Variants in ASXL1 observed in about 807,000 individuals in gnomAD.
ASXL1 encodes ASXL transcriptional regulator 1.
A neutral mutation model predicts 89.1 loss-of-function variants in ASXL1; 65 were observed. The ratio of observed to expected loss-of-function variants is 0.73; its 90% CI spans 0.60 to 0.90. ASXL1 has a LOEUF of 0.90. Among genes scored for constraint, ASXL1 ranks in the 40% least tolerant of loss-of-function variants. ASXL1 has a pLI of 0.00. For synonymous variants in ASXL1, 739 were observed against 746.9 expected, an observed-to-expected ratio of 0.99 and a Z score of 0.17; for missense variants, 1,786 against 1,942.9, an observed-to-expected ratio of 0.92 and a Z score of 1.52.
At chr20:32,410,178 T>G (rs912897483) in intron 4 of ASXL1, among the ~76,000 whole-genome samples, 5 of 152,244 alleles carry the variant, frequency 3.3e-5, no homozygotes. Flanking sequence ...GATACAGTAG[T>G]CCCCTTTATC....
intron 8 of ASXL1, chr20:32,430,533 A>C (rs544011781): frequency 8.3e-5 from 20 of 239,838 alleles, no homozygotes; most frequent in Middle Eastern, 1.3e-3. Flanking sequence ...GCTATTATCT[A>C]TACCTCCCAC....
chr20:32,433,672 GCT>G lies in ASXL1; in HGVS notation c.1475_1476del (p.Ala492GlyfsTer17). 6.2e-7 allele frequency: 1 copy of G among 1,611,522 alleles called. No individual in the cohort carries two copies. Among genetic ancestry groups the G allele is most frequent in the South Asian group, 1.1e-5 (1 of 91,056 alleles). On this transcript the variant is annotated frameshift_variant, in exon 12 of 13. Coordinates refer to ENST00000375687, the MANE Select transcript of ASXL1 (RefSeq NM_015338.6). LOFTEE classifies it high-confidence loss of function. ...PVESVASRIQ[A>X]EPDNLARASA... ...TGAGTCTGTGGCTTCTCGGATCCAG[GCT>G]GAGCCAGACAACTTGGCACGTGCCT...
At chr20:32,423,832 A>G (rs2011203131) in intron 4 of ASXL1, among the ~76,000 whole-genome samples, 1 of 152,234 alleles carries the variant, frequency 6.6e-6, no homozygotes, top group Non-Finnish European at 1.5e-5. Flanking sequence ...TACAGGCTTG[A>G]GCCACTGCAC....
At chr20:32,402,460 G>A (rs1326124886) in intron 4 of ASXL1, among the ~76,000 whole-genome samples, 1 of 152,184 alleles carries the variant, frequency 6.6e-6, no homozygotes, top group Non-Finnish European at 1.5e-5. Flanking sequence ...TATTTCTCTA[G>A]GATGAATACC....
intron 4 of ASXL1, among the ~76,000 whole-genome samples, chr20:32,407,919 TA>T (rs1052041008): frequency 2.0e-5 from 3 of 152,200 alleles, no homozygotes; most frequent in African/African-American, 7.2e-5. Context: ...TTTTGGCTCT[TA>T]GGTGTGCGAT....
chr20:32,418,997 T>C (rs145996702), intron 4 of ASXL1, among the ~76,000 whole-genome samples: 1 of 151,954 alleles, frequency 6.6e-6, no homozygotes, highest in African/African-American at 2.4e-5. Flanking sequence ...CATGTCTGGC[T>C]AATTATTGTA....
At chr20:32,387,532 G>C (rs1362013056) in intron 4 of ASXL1, among the ~76,000 whole-genome samples, 1 of 152,172 alleles carries the variant, frequency 6.6e-6, no homozygotes, top group Non-Finnish European at 1.5e-5. Flanking sequence ...GCATGGTTCT[G>C]AAGTAGAGAT....
In ASXL1 at chr20:32,433,779, T is replaced by G. The variant is rs777942161; in HGVS notation, c.1581T>G (p.Phe527Leu). Residue 527 changes from phenylalanine to leucine, a missense_variant, in exon 12 of 13, where the codon TTT (phenylalanine) becomes TTG (leucine). Coordinates refer to ENST00000375687, the MANE Select transcript of ASXL1 (RefSeq NM_015338.6). ...QEPKDQKRKS[F>L]EQAASASFPE... ...CCAAGGATCAGAAGAGGAAATCCTT[T>G]GAGCAGGCGGCCTCTGCATCCTTTC... The G allele has an allele frequency of 1.2e-6, 2 of 1,614,212 alleles. No individual in the cohort carries two copies. The highest frequency in any genetic ancestry group is 3.3e-5 in the Admixed American group (2 of 60,034).
intron 1 of ASXL1, among the ~76,000 whole-genome samples, chr20:32,363,275 T>G (rs1600465383): frequency 1.3e-5 from 2 of 151,646 alleles, no homozygotes; most frequent in Non-Finnish European, 2.9e-5. Flanking sequence ...AAAAAAAAGA[T>G]ATAAAAATTC....
intron 4 of ASXL1, among the ~76,000 whole-genome samples, chr20:32,392,105 T>C (rs973890542): frequency 1.3e-5 from 2 of 151,954 alleles, no homozygotes; most frequent in African/African-American, 4.8e-5. Context: ...GTCCACCATC[T>C]AGCTATTTGT....
intron 4 of ASXL1, among the ~76,000 whole-genome samples, chr20:32,414,284 G>A (rs1162376150): frequency 6.6e-6 from 1 of 151,322 alleles, no homozygotes; most frequent in African/African-American, 2.4e-5. Context: ...TTGGATGTGG[G>A]ACTCTCTTAA....
chr20:32,415,652 C>T (rs540566039), intron 4 of ASXL1, among the ~76,000 whole-genome samples: 1 of 152,270 alleles, frequency 6.6e-6, no homozygotes, highest in East Asian at 1.9e-4. Context: ...TGTGGCTTTT[C>T]CCTCTGCAGC....
chr20:32,407,807 T>C (rs2048980757), intron 4 of ASXL1, among the ~76,000 whole-genome samples: 1 of 152,150 alleles, frequency 6.6e-6, no homozygotes, highest in South Asian at 2.1e-4. Flanking sequence ...TAGAAGTTTT[T>C]TTGTTTTGAG....
Position 32,434,647 on chromosome 20 carries a change from TGGCCCGGGTGGAGGTGGCGGCGG to T in ASXL1, c.1940_1962del (p.Pro647HisfsTer3). The T allele has an allele frequency of 6.3e-7, 1 of 1,590,072 alleles. No homozygotes were observed. Among genetic ancestry groups the T allele is most frequent in the Non-Finnish European group, 8.6e-7 (1 of 1,169,364 alleles). On this transcript the variant is annotated frameshift_variant, in exon 13 of 13. Coordinates refer to ENST00000375687, the MANE Select transcript of ASXL1 (RefSeq NM_015338.6). LOFTEE classifies it low-confidence loss of function (END_TRUNC). The stretch of plus-strand genomic sequence containing the variant: ...CCACCACTGCCATCGGAGGGGGGGG[TGGCCCGGGTGGAGGTGGCGGCGG>T]GGCCACCGATGAGGGAGGTGGCAGA...
At chr20:32,387,126 C>G (rs2048592886) in intron 4 of ASXL1, among the ~76,000 whole-genome samples, 3 of 151,578 alleles carry the variant, frequency 2.0e-5, no homozygotes. Flanking sequence ...ATGGTGAAAC[C>G]CCTTCTACTA....
intron 4 of ASXL1, among the ~76,000 whole-genome samples, chr20:32,407,797 T>C (rs1359918737): frequency 6.6e-6 from 1 of 152,120 alleles, no homozygotes; most frequent in East Asian, 1.9e-4. Flanking sequence ...GTCTTTTGAT[T>C]AGAAGTTTTT....
At chr20:32,393,211 A>G (rs1479034588) in intron 4 of ASXL1, among the ~76,000 whole-genome samples, 1 of 152,218 alleles carries the variant, frequency 6.6e-6, no homozygotes, top group East Asian at 1.9e-4. Context: ...ATAAGCATTT[A>G]TGATTGTCGT....
Position 32,436,973 on chromosome 20 carries a change from C to T in ASXL1, c.4261C>T (p.Leu1421Phe). 2 of 1,614,096 alleles carry T rather than the reference C, an allele frequency of 1.2e-6. No individual in the cohort carries two copies. Among genetic ancestry groups the T allele is most frequent in the Non-Finnish European group, 8.5e-7 (1 of 1,180,030 alleles). ...ATTACCCCGAGAGCCAGGGAAGGGGCTCAGTGAGCCTCTGGAGCCTTCTTC... is the reference window on the plus strand; with the variant it reads ...ATTACCCCGAGAGCCAGGGAAGGGGTTCAGTGAGCCTCTGGAGCCTTCTTC... ...WKLPREPGKG[L>F]SEPLEPSSLP... Residue 1421 changes from leucine to phenylalanine, a missense_variant, in exon 13 of 13, where the codon CTC (leucine) becomes TTC (phenylalanine). Leu to Phe is a conservative substitution (Grantham distance 22). Transcript: ENST00000375687.
chr20:32,407,050 T>C (rs1271956246), intron 4 of ASXL1, among the ~76,000 whole-genome samples: 1 of 152,016 alleles, frequency 6.6e-6, no homozygotes, highest in African/African-American at 2.4e-5. Context: ...TTTATAGAAT[T>C]GAAATATATA....
Sources: gnomAD v4.1 joint callset for allele counts (sites outside exome capture counted in the v4.1 genomes callset) on GRCh38, gnomAD v4.1.1 for gene constraint, MANE v1.5 for transcripts, NCBI Gene and HGNC (gene_info 2026-07-23, HGNC 2026-07-21) for gene names.